Variants in ANTXR1 observed in about 807,000 individuals in gnomAD.
ANTXR1 encodes ANTXR cell adhesion molecule 1, also known as anthrax toxin receptor 1.
ANTXR1 carries 19 observed loss-of-function variants against 78.1 expected under a neutral mutation model. That is an observed-to-expected ratio of 0.24 (90% CI 0.17 to 0.36). ANTXR1 has a LOEUF of 0.36. Ranked by LOEUF, ANTXR1 falls within the 10% of genes least tolerant of loss-of-function variation. The pLI, the probability that ANTXR1 is intolerant of heterozygous loss-of-function variation, is 1.00. For synonymous variants in ANTXR1, 273 were observed against 260.5 expected, an observed-to-expected ratio of 1.05 and a Z score of -0.46; for missense variants, 518 against 718.6, an observed-to-expected ratio of 0.72 and a Z score of 3.19.
intron 17 of ANTXR1, among the ~76,000 whole-genome samples, chr2:69,197,809 G>T (rs1443208261): frequency 6.6e-6 from 1 of 152,204 alleles, no homozygotes; most frequent in Non-Finnish European, 1.5e-5. Context: ...AGGGCAAATG[G>T]TTGAAGGAAT....
At chr2:69,183,574 GTTTTTTT>G (rs55898655) in intron 16 of ANTXR1, among the ~76,000 whole-genome samples, 1 of 109,290 alleles carries the variant, frequency 9.1e-6, no homozygotes, top group Non-Finnish European at 2.0e-5. Context: ...GCTAATTTTT[GTTTTTTT>G]TTTTTTTTTT....
At chr2:69,233,436 T>A (rs1341318644) in intron 17 of ANTXR1, among the ~76,000 whole-genome samples, 1 of 151,734 alleles carries the variant, frequency 6.6e-6, no homozygotes, top group African/African-American at 2.4e-5. Flanking sequence ...TAGAAAAAAA[T>A]TTATAAAATA....
At chr2:69,239,343 C>T (rs1002819638) in intron 17 of ANTXR1, among the ~76,000 whole-genome samples, 3 of 152,104 alleles carry the variant, frequency 2.0e-5, no homozygotes, top group Non-Finnish European at 2.9e-5. Flanking sequence ...CCAAGGCTGG[C>T]GGATCACCTG....
intron 13 of ANTXR1, among the ~76,000 whole-genome samples, chr2:69,165,538 G>A (rs978504714): frequency 6.6e-6 from 1 of 152,232 alleles, no homozygotes; most frequent in Non-Finnish European, 1.5e-5. Flanking sequence ...AGATGAGGAG[G>A]GGAGATGTGA....
intron 6 of ANTXR1, among the ~76,000 whole-genome samples, chr2:69,075,086 A>G (rs1044494035): frequency 2.6e-5 from 4 of 152,264 alleles, no homozygotes; most frequent in African/African-American, 9.6e-5. Context: ...AAATATGCTG[A>G]CGTTTATGAG....
At chr2:69,195,352 A>T (rs1358363372) in intron 17 of ANTXR1, among the ~76,000 whole-genome samples, 1 of 152,156 alleles carries the variant, frequency 6.6e-6, no homozygotes, top group Non-Finnish European at 1.5e-5. Context: ...AGAGAACACT[A>T]GAGCAGAGCC....
intron 1 of ANTXR1, among the ~76,000 whole-genome samples, chr2:69,035,212 C>A (rs1671645713): frequency 6.6e-6 from 1 of 152,024 alleles, no homozygotes; most frequent in East Asian, 1.9e-4. Context: ...AGGAAGTCAG[C>A]TGGGATTGGT....
At chr2:69,175,481 G>C (rs1174603289) in intron 14 of ANTXR1, among the ~76,000 whole-genome samples, 2 of 152,046 alleles carry the variant, frequency 1.3e-5, no homozygotes, top group African/African-American at 4.8e-5. Flanking sequence ...AATTAGCTTG[G>C]CATGGTGGCT....
intron 3 of ANTXR1, among the ~76,000 whole-genome samples, chr2:69,067,099 C>G (rs936073652): frequency 1.3e-5 from 2 of 152,028 alleles, no homozygotes; most frequent in African/African-American, 4.8e-5. Context: ...TGAAACCATC[C>G]ATTTTGTTTG....
chr2:69,090,257 T>A (rs1671186859), intron 8 of ANTXR1, among the ~76,000 whole-genome samples: 1 of 151,776 alleles, frequency 6.6e-6, no homozygotes, highest in Non-Finnish European at 1.5e-5. Flanking sequence ...TATCACTCTC[T>A]TATTTCTGCT....
chr2:69,138,097 A>G (rs1573923586), intron 12 of ANTXR1, among the ~76,000 whole-genome samples: 1 of 148,416 alleles, frequency 6.7e-6, no homozygotes, highest in African/African-American at 2.5e-5. Flanking sequence ...AAAAAAAAGA[A>G]AAAAAAAAAA....
chr2:69,244,775 G>T (rs774402845), intron 17 of ANTXR1, among the ~76,000 whole-genome samples: 6 of 152,202 alleles, frequency 3.9e-5, no homozygotes, highest in Non-Finnish European at 8.8e-5. Flanking sequence ...GCAGCAGGAA[G>T]AATAATTCTG....
chr2:69,151,402 C>G (rs1374551437), intron 12 of ANTXR1, among the ~76,000 whole-genome samples: 2 of 152,026 alleles, frequency 1.3e-5, no homozygotes, highest in Non-Finnish European at 2.9e-5. Context: ...GGGACTTAGA[C>G]CCGTGTTCCT....
In ANTXR1 at chr2:69,191,030, A is replaced by G. The variant is rs567250301; in HGVS notation, c.1354-2305A>G. ...GGAAAGAAAAAAGAGGCATTCATCCAGGAAACCCACCTGGTTACATCCTGA... is the reference window on the plus strand; with the variant it reads ...GGAAAGAAAAAAGAGGCATTCATCCGGGAAACCCACCTGGTTACATCCTGA... On this transcript the variant is annotated intron_variant, in intron 16 of 17. Transcript: ENST00000303714. Among the ~76,000 whole-genome samples the G allele has an allele frequency of 1.7e-3, 253 of 152,340 alleles. 1 individual carries two copies. The South Asian group carries it at 0.024, about 14-fold the overall frequency.
intron 8 of ANTXR1, among the ~76,000 whole-genome samples, chr2:69,088,295 T>C (rs76216304): frequency 0.18 from 27,914 of 152,154 alleles, 3,236 homozygotes; most frequent in South Asian, 0.28. Context: ...AAATTTCATG[T>C]GTGTGTTTGG....
At chr2:69,023,306 A>ATGATGGTGATGG (rs1189933815) in intron 1 of ANTXR1, among the ~76,000 whole-genome samples, 2 of 152,142 alleles carry the variant, frequency 1.3e-5, no homozygotes, top group African/African-American at 4.8e-5. Flanking sequence ...GATGATAAAG[A>ATGATGGTGATGG]TGATGGTGAT....
At chr2:69,038,320 C>T (rs558469154) in intron 1 of ANTXR1, among the ~76,000 whole-genome samples, 20 of 152,264 alleles carry the variant, frequency 1.3e-4, no homozygotes, top group Admixed American at 8.5e-4. Flanking sequence ...ATTAAATCCC[C>T]AGTATAATCT....
intron 11 of ANTXR1, 93 bp from the exon 12 acceptor site, chr2:69,124,472 A>G: frequency 9.1e-7 from 1 of 1,095,274 alleles, no homozygotes; most frequent in South Asian, 1.2e-5. Flanking sequence ...GGTATTTAAG[A>G]GCAGAGCCCA....
At chr2:69,163,383 G>A (rs905086282) in intron 13 of ANTXR1, among the ~76,000 whole-genome samples, 26 of 151,778 alleles carry the variant, frequency 1.7e-4, no homozygotes, top group South Asian at 6.3e-4. Flanking sequence ...TGCTGCTCTC[G>A]GCATTACCTC....
Sources: gnomAD v4.1 joint callset for allele counts (sites outside exome capture counted in the v4.1 genomes callset) on GRCh38, gnomAD v4.1.1 for gene constraint, MANE v1.5 for transcripts, NCBI Gene and HGNC (gene_info 2026-07-23, HGNC 2026-07-21) for gene names.